Variants in TTC28 observed in about 807,000 individuals in gnomAD.
TTC28 encodes the protein tetratricopeptide repeat protein 28.
In TTC28, 61 loss-of-function variants were observed where a neutral mutation model predicts 198.0. That is an observed-to-expected ratio of 0.31 (90% CI 0.25 to 0.38). The LOEUF (loss-of-function observed/expected upper bound fraction) is 0.38, where lower values mean the gene tolerates loss of function less well. Among genes scored for constraint, TTC28 ranks in the 10% least tolerant of loss-of-function variants. TTC28 has a pLI of 1.00. For missense variants in TTC28, 2,678 were observed against 3,164.0 expected, an observed-to-expected ratio of 0.85 and a Z score of 3.69; for synonymous variants, 1,171 against 1,297.8, an observed-to-expected ratio of 0.90 and a Z score of 2.10.
At chr22:28,537,073 C>A (rs2049295559) in intron 2 of TTC28, among the ~76,000 whole-genome samples, 1 of 150,344 alleles carries the variant, frequency 6.7e-6, no homozygotes, top group African/African-American at 2.4e-5. Flanking sequence ...GCAGGCGGAT[C>A]ACGAGGTCAG....
chr22:28,185,252 A>C (rs1924082278), intron 5 of TTC28, among the ~76,000 whole-genome samples: 1 of 152,088 alleles, frequency 6.6e-6, no homozygotes, highest in South Asian at 2.1e-4. Flanking sequence ...GTCTGTCTAC[A>C]CAGAACTCAC....
At chr22:28,461,244 A>C (rs2047946007) in intron 2 of TTC28, among the ~76,000 whole-genome samples, 1 of 152,190 alleles carries the variant, frequency 6.6e-6, no homozygotes, top group Non-Finnish European at 1.5e-5. Context: ...ACATAGTAAT[A>C]CTAAATACTT....
intron 9 of TTC28, among the ~76,000 whole-genome samples, chr22:28,099,398 T>C (rs1942074647): frequency 6.6e-6 from 1 of 152,288 alleles, no homozygotes; most frequent in Non-Finnish European, 1.5e-5. Context: ...GCTAACGCCG[T>C]ATATATGGCT....
intron 2 of TTC28, among the ~76,000 whole-genome samples, chr22:28,370,489 C>T (rs1369078065): frequency 1.3e-5 from 2 of 152,178 alleles, no homozygotes; most frequent in African/African-American, 4.8e-5. Context: ...GGCAAATGAA[C>T]ATTTTACATA....
intron 2 of TTC28, among the ~76,000 whole-genome samples, chr22:28,363,719 A>G (rs1027521962): frequency 6.6e-6 from 1 of 152,230 alleles, no homozygotes; most frequent in African/African-American, 2.4e-5. Context: ...GAACTCTTGC[A>G]TCAGTGTGAC....
At chr22:28,180,748 G>A (rs1362706253) in intron 5 of TTC28, among the ~76,000 whole-genome samples, 1 of 152,180 alleles carries the variant, frequency 6.6e-6, no homozygotes, top group Admixed American at 6.5e-5. Context: ...AAAACTTCCT[G>A]AGTGGGATCT....
chr22:28,598,641 G>A (rs1426660723), intron 2 of TTC28, among the ~76,000 whole-genome samples: 1 of 151,966 alleles, frequency 6.6e-6, no homozygotes, highest in Non-Finnish European at 1.5e-5. Context: ...TTAGTAAACG[G>A]TGATGACATA....
intron 2 of TTC28, among the ~76,000 whole-genome samples, chr22:28,415,011 T>C (rs914616363): frequency 5.3e-5 from 8 of 152,204 alleles, no homozygotes; most frequent in Admixed American, 3.3e-4. Flanking sequence ...TAACACTGTA[T>C]TCTAGTAAAA....
intron 1 of TTC28, among the ~76,000 whole-genome samples, chr22:28,670,959 C>T (rs1173424907): frequency 6.6e-6 from 1 of 152,048 alleles, no homozygotes; most frequent in East Asian, 1.9e-4. Context: ...AACGATGTTG[C>T]ATACCTTTTC....
chr22:28,222,420 A>G (rs1339277830), intron 5 of TTC28, among the ~76,000 whole-genome samples: 1 of 152,240 alleles, frequency 6.6e-6, no homozygotes, highest in Non-Finnish European at 1.5e-5. Context: ...GCTGACAAGA[A>G]AAACATGTCT....
At chr22:28,304,093 GGC>G (rs1487987167) in intron 3 of TTC28, among the ~76,000 whole-genome samples, 1 of 152,080 alleles carries the variant, frequency 6.6e-6, no homozygotes, top group Non-Finnish European at 1.5e-5. Flanking sequence ...AGACCATCCT[GGC>G]TAACACGATG....
At chr22:28,041,654 A>G (rs1451243008) in intron 12 of TTC28, among the ~76,000 whole-genome samples, 1 of 152,202 alleles carries the variant, frequency 6.6e-6, no homozygotes, top group Admixed American at 6.5e-5. Flanking sequence ...AGGCAATACC[A>G]TTCAGGACAG....
At chr22:28,387,107 T>C (rs2046618639) in intron 2 of TTC28, among the ~76,000 whole-genome samples, 1 of 152,150 alleles carries the variant, frequency 6.6e-6, no homozygotes, top group Non-Finnish European at 1.5e-5. Flanking sequence ...GGTTTTTTGT[T>C]CTTGCGATAG....
Position 28,629,706 on chromosome 22 carries a change from G to A in TTC28, c.227C>T (p.Thr76Ile), listed in dbSNP as rs1378683415. 3 of 1,551,562 alleles carry A rather than the reference G, an allele frequency of 1.9e-6. No homozygotes were observed. Among genetic ancestry groups the A allele is most frequent in the African/African-American group, 1.4e-5 (1 of 73,028 alleles). ...GGCTTCATTATACAGAACAATAGCT[G>A]TGTGGAAATCTCCATCATGACAGGC... ...NQACHDGDFH[T>I]AIVLYNEALA... The change falls in exon 2 of 23, where the codon ACA (threonine) becomes ATA (isoleucine). Residue 76 changes from threonine to isoleucine, a missense_variant. This residue lies in a region of TTC28 where 176 missense variants were observed against 197.9 expected (regional missense o/e 0.89). Coordinates refer to ENST00000397906, the MANE Select transcript of TTC28 (RefSeq NM_001145418.2).
chr22:28,459,582 A>G (rs1260450084), intron 2 of TTC28, among the ~76,000 whole-genome samples: 23 of 152,166 alleles, frequency 1.5e-4, no homozygotes, highest in Non-Finnish European at 1.5e-5. Flanking sequence ...TCCCAAGACC[A>G]GTTCTTAATT....
intron 2 of TTC28, among the ~76,000 whole-genome samples, chr22:28,593,768 T>C (rs1392090211): frequency 6.6e-6 from 1 of 152,210 alleles, no homozygotes; most frequent in African/African-American, 2.4e-5. Flanking sequence ...AAAGAACATA[T>C]TCATATAATT....
chr22:28,309,127 C>G (rs1313461089), intron 2 of TTC28, among the ~76,000 whole-genome samples: 1 of 152,076 alleles, frequency 6.6e-6, no homozygotes, highest in African/African-American at 2.4e-5. Context: ...CAGTACTTGG[C>G]AAAGAGTTAA....
At position 28,545,171 on chromosome 22, in the gene TTC28, G is replaced by A. The variant is rs2049511266; in HGVS notation, c.381+84381C>T. ...TAGTGAATTTTCTCCTGAAGGTCAG[G>A]AACAAGGCAAGTATATAAATTATCA... On this transcript the variant is annotated intron_variant, in intron 2 of 22. Coordinates refer to ENST00000397906, the MANE Select transcript of TTC28 (RefSeq NM_001145418.2). Among the ~76,000 whole-genome samples the A allele has an allele frequency of 3.3e-5, 5 of 152,042 alleles. No individual in the cohort carries two copies. The South Asian group carries it at 1.0e-3, about 32-fold the overall frequency.
chr22:28,341,568 G>T (rs1004576207), intron 2 of TTC28, among the ~76,000 whole-genome samples: 2 of 152,108 alleles, frequency 1.3e-5, no homozygotes, highest in Admixed American at 6.6e-5. Flanking sequence ...GAGGCAGGTG[G>T]ATCACTTGAG....
Sources: allele counts gnomAD v4.1 joint callset (sites outside exome capture counted in the v4.1 genomes callset), GRCh38; gene constraint gnomAD v4.1.1; regional missense constraint gnomAD v4.1.1; transcripts MANE v1.5; gene names NCBI Gene and HGNC (gene_info 2026-07-23, HGNC 2026-07-21).